Variants in FGF12 observed in about 807,000 individuals in gnomAD.
FGF12 encodes fibroblast growth factor 12, also known as fibroblast growth factor 12B.
Under a neutral mutation model 23.6 loss-of-function variants are expected in FGF12, and 14 were observed. The ratio of observed to expected loss-of-function variants is 0.59; its 90% CI spans 0.39 to 0.93. FGF12 has a LOEUF of 0.93. Ranked by LOEUF, FGF12 falls within the 40% of genes least tolerant of loss-of-function variation. FGF12 has a pLI of 0.00. For missense variants in FGF12, 175 were observed against 217.8 expected (o/e 0.80, Z 1.24); for synonymous variants, 62 against 77.3 (o/e 0.80, Z 1.04).
Position 192,712,759 on chromosome 3 carries a change from AT to A in FGF12, c.13+14421del, listed in dbSNP as rs1387946550. 2.6e-5 allele frequency among the ~76,000 whole-genome samples: 4 copies of A among 152,132 alleles called. No homozygotes were observed. The East Asian group carries it at 7.7e-4, about 29-fold the overall frequency. On this transcript the variant is annotated intron_variant, in intron 2 of 5. Coordinates refer to ENST00000445105, the MANE Select transcript of FGF12 (RefSeq NM_004113.6). ...TTTTTTTTTAGGAAGCTGTTGGAGA[AT>A]GTATTCCACCAAAATAAGAGAGTGA...
At chr3:192,439,584 C>G (rs187286932) in intron 2 of FGF12, among the ~76,000 whole-genome samples, 1 of 152,286 alleles carries the variant, frequency 6.6e-6, no homozygotes, top group East Asian at 1.9e-4. Context: ...CTTGCCTCAA[C>G]TGAGCTTACA....
At chr3:192,467,993 G>A (rs186611684) in intron 2 of FGF12, among the ~76,000 whole-genome samples, 168 of 152,294 alleles carry the variant, frequency 1.1e-3, no homozygotes, top group African/African-American at 3.6e-3. Context: ...ATGAAAGGGC[G>A]TGGACCTTGG....
In FGF12 at chr3:192,173,072, A is replaced by T. The variant is rs1392938234; in HGVS notation, c.229-2416T>A. Among the ~76,000 whole-genome samples, 2 of 150,924 alleles carry T rather than the reference A, an allele frequency of 1.3e-5. 1 individual carries two copies. The highest frequency in any genetic ancestry group is 3.0e-5 in the Non-Finnish European group (2 of 67,630). On this transcript the variant is annotated intron_variant, in intron 4 of 5. Coordinates refer to ENST00000445105, the MANE Select transcript of FGF12 (RefSeq NM_004113.6). ...ACATGTATGATTCCATTTATATGAAATGTCCAGAATAAGCAAATCCGGAGA... is the reference window on the plus strand; with the variant it reads ...ACATGTATGATTCCATTTATATGAATTGTCCAGAATAAGCAAATCCGGAGA...
intron 2 of FGF12, among the ~76,000 whole-genome samples, chr3:192,547,567 A>G (rs189684363): frequency 6.6e-6 from 1 of 152,328 alleles, no homozygotes; most frequent in Admixed American, 6.5e-5. Context: ...TTGTGGACAA[A>G]TCTCAATATG....
In FGF12 at chr3:192,537,144, T is replaced by TA. The variant is rs1725242597; in HGVS notation, c.14-176607dup. ...AAATGACAGGATCTCATTCTTTTTT[T>TA]ATGGGTGAATAGTACACCATTGTGT... is the stretch of plus-strand genomic sequence containing the variant. On this transcript the variant is annotated intron_variant, in intron 2 of 5. Coordinates refer to ENST00000445105, the MANE Select transcript of FGF12 (RefSeq NM_004113.6). 2.0e-5 allele frequency among the ~76,000 whole-genome samples: 3 copies of TA among 152,220 alleles called. No homozygotes were observed. The South Asian group carries it at 6.2e-4, about 32-fold the overall frequency.
chr3:192,195,581 C>T (rs982533454), intron 4 of FGF12, among the ~76,000 whole-genome samples: 5 of 152,076 alleles, frequency 3.3e-5, no homozygotes, highest in South Asian at 2.1e-4. Context: ...TAAGCTATAC[C>T]GTCTAGTTTT....
rs2108699577 is a variant in FGF12 at position 192,335,349 on chromosome 3, C to T, written c.228+12G>A. ...CACACATACACACAAATACACACTA[C>T]AATGTACTTACTGAACTGTAGAGAT... On this transcript the variant is annotated intron_variant, in intron 4 of 5. Transcript: ENST00000445105. The T allele has an allele frequency of 2.6e-6, 4 of 1,565,788 alleles. No individual in the cohort carries two copies. The African/African-American group carries it at 4.1e-5, about 16-fold the overall frequency.
At chr3:192,633,737 T>C (rs1039718708) in intron 2 of FGF12, among the ~76,000 whole-genome samples, 1 of 152,178 alleles carries the variant, frequency 6.6e-6, no homozygotes, top group Non-Finnish European at 1.5e-5. Context: ...TCTGTGACAG[T>C]CCTATATGGA....
intron 2 of FGF12, among the ~76,000 whole-genome samples, chr3:192,430,854 T>C (rs78526652): frequency 0.024 from 3,719 of 152,284 alleles, 131 homozygotes; most frequent in African/African-American, 0.08. Context: ...GCTTCTGTAC[T>C]ATAACCAGTG....
chr3:192,622,499 G>A (rs562272112), intron 2 of FGF12, among the ~76,000 whole-genome samples: 2 of 152,262 alleles, frequency 1.3e-5, no homozygotes, highest in South Asian at 4.2e-4. Flanking sequence ...CCACCAGTCA[G>A]TGGGAGTCAC....
At chr3:192,305,462 C>A (rs1472774307) in intron 4 of FGF12, among the ~76,000 whole-genome samples, 1 of 151,944 alleles carries the variant, frequency 6.6e-6, no homozygotes, top group Non-Finnish European at 1.5e-5. Flanking sequence ...GCCTCCCAGC[C>A]AGATTCTACA....
At chr3:192,495,520 T>G (rs1723929916) in intron 2 of FGF12, among the ~76,000 whole-genome samples, 1 of 152,208 alleles carries the variant, frequency 6.6e-6, no homozygotes, top group African/African-American at 2.4e-5. Context: ...TAGACCTACT[T>G]GATCTTTACA....
intron 2 of FGF12, among the ~76,000 whole-genome samples, chr3:192,504,174 G>A (rs1299919281): frequency 5.3e-5 from 8 of 152,012 alleles, no homozygotes; most frequent in African/African-American, 7.3e-5. Context: ...AACCACGGAC[G>A]CCAGGGCCTA....
At chr3:192,254,537 CA>C (rs1712254857) in intron 4 of FGF12, among the ~76,000 whole-genome samples, 1 of 151,982 alleles carries the variant, frequency 6.6e-6, no homozygotes, top group South Asian at 2.1e-4. Context: ...ATAAATTTAT[CA>C]TTGAAGATAA....
chr3:192,218,227 T>G (rs929290727), intron 4 of FGF12, among the ~76,000 whole-genome samples: 3 of 152,084 alleles, frequency 2.0e-5, no homozygotes, highest in Non-Finnish European at 4.4e-5. Flanking sequence ...TAAATTTGAG[T>G]TCATCTTGTG....
rs147517365 is a variant in FGF12, at chr3:192,377,743, T to C, written c.14-17205A>G. On this transcript the variant is annotated intron_variant, in intron 2 of 5. Transcript: ENST00000445105. ...GAGAGTCTCCCAGGGCCAGACACTA[T>C]GCAAGGAGCTTGGGATACAATAGGC... 2.3e-3 allele frequency among the ~76,000 whole-genome samples: 355 copies of C among 152,308 alleles called. 1 individual carries two copies. The highest frequency in any genetic ancestry group is 4.0e-3 in the Non-Finnish European group (273 of 68,026).
intron 2 of FGF12, among the ~76,000 whole-genome samples, chr3:192,624,362 A>G (rs1427489239): frequency 6.6e-6 from 1 of 152,188 alleles, no homozygotes; most frequent in African/African-American, 2.4e-5. Context: ...TGTCATGCAC[A>G]TACCTATATT....
At chr3:192,181,815 G>T (rs1271287861) in intron 4 of FGF12, among the ~76,000 whole-genome samples, 1 of 151,820 alleles carries the variant, frequency 6.6e-6, no homozygotes, top group Non-Finnish European at 1.5e-5. Context: ...ATTTTTAGTA[G>T]AGACAGGGTT....
chr3:192,272,187 AT>A (rs766942754), intron 4 of FGF12, among the ~76,000 whole-genome samples: 1 of 152,082 alleles, frequency 6.6e-6, no homozygotes, highest in Non-Finnish European at 1.5e-5. Flanking sequence ...ACAAATCCAA[AT>A]TTTTTTAAAA....
Sources: gnomAD v4.1 joint callset for allele counts (sites outside exome capture counted in the v4.1 genomes callset) on GRCh38, gnomAD v4.1.1 for gene constraint, MANE v1.5 for transcripts, NCBI Gene and HGNC (gene_info 2026-07-23, HGNC 2026-07-21) for gene names.